The following AP3B1 variants were observed in gnomAD, a reference collection of about 807,000 sequenced individuals.
AP3B1 encodes the protein AP-3 complex subunit beta-1.
Under a neutral mutation model 132.5 loss-of-function variants are expected in AP3B1, and 61 were observed. That is an observed-to-expected ratio of 0.46 (90% CI 0.37 to 0.57). AP3B1 has a LOEUF of 0.57. Ranked by LOEUF, AP3B1 falls within the 20% of genes least tolerant of loss-of-function variation. AP3B1 has a pLI of 0.00. For synonymous variants in AP3B1, 388 were observed against 438.3 expected (o/e 0.89, Z 1.43); for missense variants, 1,120 against 1,289.4 (o/e 0.87, Z 2.01).
chr5:78,252,063 C>T (rs979094817), intron 2 of AP3B1, among the ~76,000 whole-genome samples: 7 of 152,172 alleles, frequency 4.6e-5, no homozygotes, highest in Non-Finnish European at 7.3e-5. Flanking sequence ...TCCCAGACGA[C>T]ATTCCTAGAC....
intron 1 of AP3B1, 107 bp downstream of exon 1, chr5:78,294,345 G>T: frequency 1.3e-6 from 2 of 1,541,644 alleles, no homozygotes; most frequent in South Asian, 1.1e-5. Flanking sequence ...GCCCTGCTCA[G>T]ACCTCAGGGC....
intron 1 of AP3B1, among the ~76,000 whole-genome samples, chr5:78,278,792 T>A (rs1748911494): frequency 6.6e-6 from 1 of 152,028 alleles, no homozygotes; most frequent in African/African-American, 2.4e-5. Context: ...GAGCTCCGCC[T>A]CCTGTCAGAT....
At chr5:78,191,757 C>G (rs746059463) in intron 7 of AP3B1, among the ~76,000 whole-genome samples, 9 of 152,046 alleles carry the variant, frequency 5.9e-5, no homozygotes, top group Non-Finnish European at 1.2e-4. Flanking sequence ...TAAGGAAAAG[C>G]AGATTATTAA....
At chr5:78,147,911 G>A (rs1753481049) in intron 14 of AP3B1, among the ~76,000 whole-genome samples, 1 of 152,034 alleles carries the variant, frequency 6.6e-6, no homozygotes, top group African/African-American at 2.4e-5. Context: ...GCGCATGCCT[G>A]TAATCCCAAC....
intron 22 of AP3B1, among the ~76,000 whole-genome samples, chr5:78,057,917 C>T (rs1368793277): frequency 2.6e-5 from 4 of 152,062 alleles, no homozygotes; most frequent in Non-Finnish European, 5.9e-5. Flanking sequence ...TAACAAAGTG[C>T]TAAGCCTAGA....
intron 13 of AP3B1, among the ~76,000 whole-genome samples, chr5:78,161,636 T>A (rs753128397): frequency 1.8e-4 from 28 of 152,018 alleles, no homozygotes; most frequent in Non-Finnish European, 2.8e-4. Flanking sequence ...CACTAGCTAC[T>A]TTGTAGAGAT....
chr5:78,227,666 A>G, intron 4 of AP3B1, 134 bp from the exon 5 acceptor site: 3 of 808,080 alleles, frequency 3.7e-6, no homozygotes, highest in Admixed American at 2.2e-5. Context: ...ATTTAAAATG[A>G]ACAATTAGTA....
intron 22 of AP3B1, among the ~76,000 whole-genome samples, chr5:78,086,502 G>A (rs904004433): frequency 1.3e-5 from 2 of 152,154 alleles, no homozygotes; most frequent in Admixed American, 6.5e-5. Flanking sequence ...AATTTGTAAA[G>A]CGCAGAACTC....
intron 2 of AP3B1, among the ~76,000 whole-genome samples, chr5:78,254,389 A>G (rs1747770028): frequency 6.6e-6 from 1 of 152,188 alleles, no homozygotes; most frequent in South Asian, 2.1e-4. Flanking sequence ...GATTTAAGCT[A>G]AAGAAGCCTA....
chr5:78,128,833 T>C (rs1752571968), intron 16 of AP3B1, among the ~76,000 whole-genome samples: 1 of 152,076 alleles, frequency 6.6e-6, no homozygotes, highest in East Asian at 1.9e-4. Context: ...AATGAAGTCA[T>C]TATTTATAAG....
intron 3 of AP3B1, 119 bp from the exon 4 acceptor site, chr5:78,228,358 G>C: frequency 1.5e-6 from 1 of 657,328 alleles, no homozygotes; most frequent in Non-Finnish European, 2.6e-6. Flanking sequence ...TCACATGTTA[G>C]ATTGTAAAAT....
At chr5:78,014,070 G>C (rs1012674685) in intron 26 of AP3B1, among the ~76,000 whole-genome samples, 9 of 152,210 alleles carry the variant, frequency 5.9e-5, no homozygotes, top group Non-Finnish European at 1.3e-4. Flanking sequence ...GGCTGAGGCA[G>C]GAGAATGGCG....
At chr5:78,189,623 A>G (rs1055868111) in intron 7 of AP3B1, among the ~76,000 whole-genome samples, 1 of 151,982 alleles carries the variant, frequency 6.6e-6, no homozygotes, top group African/African-American at 2.4e-5. Flanking sequence ...TAATCCCAGC[A>G]CTCTGGGAGG....
chr5:78,076,044 T>C (rs986445000), intron 22 of AP3B1, among the ~76,000 whole-genome samples: 5 of 152,194 alleles, frequency 3.3e-5, no homozygotes, highest in African/African-American at 1.2e-4. Flanking sequence ...TAAGTTATAA[T>C]GGTACAGAGG....
chr5:78,097,506 G>A (rs1750906236), intron 21 of AP3B1, among the ~76,000 whole-genome samples: 4 of 120,452 alleles, frequency 3.3e-5, no homozygotes, highest in African/African-American at 9.8e-5. Context: ...CCGGGAGGGA[G>A]GTGGGGGGGT....
intron 11 of AP3B1, among the ~76,000 whole-genome samples, chr5:78,165,939 A>C (rs1374914070): frequency 6.6e-6 from 1 of 152,016 alleles, no homozygotes; most frequent in Non-Finnish European, 1.5e-5. Flanking sequence ...ATGGTGGTGC[A>C]TGGTGGTGCA....
Position 78,292,414 on chromosome 5 carries a change from T to C in AP3B1, c.128+2038A>G, listed in dbSNP as rs549487810. ...AAAGTTTTAAACTTTTTGTGAGTTGTATGCACTCACTAATAAAAATACCAT... is the reference window on the plus strand; with the variant it reads ...AAAGTTTTAAACTTTTTGTGAGTTGCATGCACTCACTAATAAAAATACCAT... On this transcript the variant is annotated intron_variant, in intron 1 of 26. Transcript: ENST00000255194. Among the ~76,000 whole-genome samples the C allele has an allele frequency of 3.9e-5, 6 of 152,348 alleles. No individual in the cohort carries two copies. The East Asian group carries it at 7.7e-4, about 20-fold the overall frequency.
intron 24 of AP3B1, among the ~76,000 whole-genome samples, chr5:78,024,538 T>C (rs898468235): frequency 4.7e-5 from 7 of 150,372 alleles, no homozygotes; most frequent in Admixed American, 2.0e-4. Flanking sequence ...TACAGGCACA[T>C]GCCACCATGC....
At chr5:78,164,811 C>G (rs1371023258) in intron 12 of AP3B1, among the ~76,000 whole-genome samples, 1 of 151,920 alleles carries the variant, frequency 6.6e-6, no homozygotes, top group Non-Finnish European at 1.5e-5. Context: ...TATACAGTGT[C>G]TTATAACCAA....
Sources: gnomAD v4.1 joint callset for allele counts (sites outside exome capture counted in the v4.1 genomes callset) on GRCh38, gnomAD v4.1.1 for gene constraint, MANE v1.5 for transcripts, NCBI Gene and HGNC (gene_info 2026-07-23, HGNC 2026-07-21) for gene names.